RSAD2: variants seen among roughly 807,000 people sequenced by gnomAD.
RSAD2 encodes S-adenosylmethionine-dependent nucleotide dehydratase RSAD2.
Under a neutral mutation model 37.7 loss-of-function variants are expected in RSAD2, and 38 were observed. The observed-to-expected ratio is 1.01, with a 90% CI of 0.78 to 1.32. The LOEUF is 1.32. Among genes scored for constraint, RSAD2 ranks in the 40% most tolerant of loss-of-function variants. RSAD2 has a pLI of 0.00. For synonymous variants in RSAD2, 163 were observed against 157.4 expected (o/e 1.04, Z -0.27); for missense variants, 428 against 437.5 (o/e 0.98, Z 0.19).
rs892116984 is a variant in RSAD2, at chr2:6,897,154, C to T, written c.*1212C>T. ...AAAGCAAGCATAAGGGAAAATGTCA[C>T]GTAAACTAGATCAGGGAACAAAATC... On this transcript the variant is annotated 3_prime_UTR_variant, in exon 6 of 6. Coordinates refer to ENST00000382040, the MANE Select transcript of RSAD2 (RefSeq NM_080657.5). 2.6e-5 allele frequency: 4 copies of T among 152,028 alleles called. No individual in the cohort carries two copies. The highest frequency in any genetic ancestry group is 7.3e-5 in the African/African-American group (3 of 41,378). 9.4% of individuals were successfully genotyped at this position (152,028 alleles called of 1,614,324 possible).
At chr2:6,890,461 T>C (rs987831371) in intron 4 of RSAD2, 136 bp downstream of exon 4, 4 of 926,918 alleles carry the variant, frequency 4.3e-6, no homozygotes, top group Admixed American at 5.1e-5. Context: ...GAATGCCATG[T>C]CAGGGCAGAT....
At chr2:6,880,217 TAAAGAA>T (rs1663371331) in intron 1 of RSAD2, among the ~76,000 whole-genome samples, 1 of 152,034 alleles carries the variant, frequency 6.6e-6, no homozygotes, top group Non-Finnish European at 1.5e-5. Context: ...TTGTAAGAAT[TAAAGAA>T]AGAGGAAAGA....
upstream of RSAD2, among the ~76,000 whole-genome samples, chr2:6,874,103 C>T (rs921629988): frequency 1.3e-5 from 2 of 152,064 alleles, no homozygotes; most frequent in African/African-American, 4.8e-5. Flanking sequence ...GAGATCTGAT[C>T]GTTTAAAAGT....
At chr2:6,879,042 G>A (rs1257112389) in intron 1 of RSAD2, 3 of 457,096 alleles carry the variant, frequency 6.6e-6, no homozygotes, top group Non-Finnish European at 1.3e-5. Flanking sequence ...CACTACCCTG[G>A]TAAGCACTTG....
intron 1 of RSAD2, among the ~76,000 whole-genome samples, chr2:6,870,341 T>G (rs1663182056): frequency 6.6e-6 from 1 of 152,228 alleles, no homozygotes; most frequent in Non-Finnish European, 1.5e-5. Context: ...TTAAATAATT[T>G]CAAGGAACAG....
Position 6,895,874 on chromosome 2 carries a change from GA to G in RSAD2, c.1022del (p.Lys341ArgfsTer4). The stretch of plus-strand genomic sequence containing the variant: ...AGCTATAAAATTCAGTGGATTTGAT[GA>G]AAAGATGTTTCTGAAGCGAGGAGGA... ...EEAIKFSGFD[E>X]KMFLKRGGKY... On this transcript the variant is annotated frameshift_variant, in exon 6 of 6. Transcript: ENST00000382040. LOFTEE classifies it high-confidence loss of function. The G allele has an allele frequency of 2.5e-6, 4 of 1,614,150 alleles. No individual in the cohort carries two copies. The highest frequency in any genetic ancestry group is 1.3e-5 in the African/African-American group (1 of 75,052).
intron 1 of RSAD2, among the ~76,000 whole-genome samples, chr2:6,871,903 A>G (rs189991335): frequency 1.9e-3 from 295 of 152,320 alleles, no homozygotes; most frequent in African/African-American, 6.8e-3. Context: ...AAAAATATGC[A>G]TATATTTAAC....
chr2:6,877,716 G>T, upstream of RSAD2: 1 of 1,003,350 alleles, frequency 1.0e-6, no homozygotes, highest in South Asian at 1.7e-5. Flanking sequence ...CCAATGACAG[G>T]TTGCTCAGAG....
At chr2:6,885,061 T>G (rs1053739233) in intron 2 of RSAD2, among the ~76,000 whole-genome samples, 5 of 152,130 alleles carry the variant, frequency 3.3e-5, no homozygotes, top group Non-Finnish European at 7.4e-5. Flanking sequence ...GGTAATTTGC[T>G]AGAAGGACTT....
intron 5 of RSAD2, among the ~76,000 whole-genome samples, chr2:6,894,315 A>T (rs1055985537): frequency 6.6e-6 from 1 of 152,158 alleles, no homozygotes; most frequent in Admixed American, 6.5e-5. Context: ...CTAGATCTAT[A>T]ACCATTGCCA....
chr2:6,886,487 A>G (rs1307778819), intron 2 of RSAD2, among the ~76,000 whole-genome samples: 2 of 152,244 alleles, frequency 1.3e-5, no homozygotes, highest in Non-Finnish European at 2.9e-5. Context: ...GTCCAGAAGA[A>G]GCGGATGAAC....
At chr2:6,874,858 A>C (rs1215942250), upstream of RSAD2, among the ~76,000 whole-genome samples, 1 of 152,210 alleles carries the variant, frequency 6.6e-6, no homozygotes, top group Non-Finnish European at 1.5e-5. Context: ...CTGTAAGTTC[A>C]GTAAAAATCT....
chr2:6,866,294 C>T (rs895687653), intron 1 of RSAD2: 4 of 369,224 alleles, frequency 1.1e-5, no homozygotes, highest in African/African-American at 8.8e-5. Context: ...ACCACGCGTC[C>T]CCGCCCCTCT....
chr2:6,886,866 A>C, intron 2 of RSAD2, 69 bp from the exon 3 acceptor site: 2 of 1,094,364 alleles, frequency 1.8e-6, no homozygotes, highest in Non-Finnish European at 2.7e-6. Flanking sequence ...TTTTATCACA[A>C]GAGATCTAAA....
chr2:6,896,064 G>A lies in RSAD2; in HGVS notation c.*122G>A, dbSNP rs1354073404. The A allele has an allele frequency of 2.3e-5, 21 of 895,032 alleles. No individual in the cohort carries two copies. The highest frequency in any genetic ancestry group is 5.8e-5 in the South Asian group (3 of 51,578). The allele number at this position is 895,032 out of a possible 1,614,324, so 55.4% of individuals were successfully genotyped here. On this transcript the variant is annotated 3_prime_UTR_variant, in exon 6 of 6. Coordinates refer to ENST00000382040, the MANE Select transcript of RSAD2 (RefSeq NM_080657.5). ...CTGAAAACCTGATTTTCTGCTGCAC[G>A]TGGCATCTGATTACCTGTGGTCACT... is the stretch of plus-strand genomic sequence containing the variant.
At chr2:6,893,823 C>T (rs1663681685) in intron 5 of RSAD2, 120 bp downstream of exon 5, 2 of 690,522 alleles carry the variant, frequency 2.9e-6, no homozygotes, top group African/African-American at 3.6e-5. Flanking sequence ...ATTAGCACTT[C>T]ACAGTTTGAT....
Position 6,897,714 on chromosome 2 carries a change from A to C in RSAD2, c.*1772A>C, listed in dbSNP as rs548267912. 3 of 152,322 alleles carry C rather than the reference A, an allele frequency of 2.0e-5. No homozygotes were observed. Among genetic ancestry groups the C allele is most frequent in the African/African-American group, 7.2e-5 (3 of 41,574 alleles). The allele number at this position is 152,322 out of a possible 1,614,324, so 9.4% of individuals were successfully genotyped here. The stretch of plus-strand genomic sequence containing the variant: ...TTACTTAACATGAGTGCACTTTACT[A>C]ATCCTCATGGCACAGTGGCTCACGC... On this transcript the variant is annotated 3_prime_UTR_variant, in exon 6 of 6. Coordinates refer to ENST00000382040, the MANE Select transcript of RSAD2 (RefSeq NM_080657.5).
chr2:6,866,359 C>G, intron 1 of RSAD2: 2 of 867,922 alleles, frequency 2.3e-6, no homozygotes, highest in Non-Finnish European at 2.8e-6. Flanking sequence ...GCTCTTCCCT[C>G]TCCTGTATCT....
At chr2:6,883,802 C>A in intron 2 of RSAD2, 1 of 389,008 alleles carries the variant, frequency 2.6e-6, no homozygotes, top group Non-Finnish European at 4.6e-6. Flanking sequence ...TTAGCAAATA[C>A]AAGATCTATG....
Sources: gnomAD v4.1 joint callset for allele counts (sites outside exome capture counted in the v4.1 genomes callset) on GRCh38, gnomAD v4.1.1 for gene constraint, MANE v1.5 for transcripts, NCBI Gene and HGNC (gene_info 2026-07-23, HGNC 2026-07-21) for gene names.